GAS7: variants seen among roughly 807,000 people sequenced by gnomAD.
GAS7 encodes growth arrest-specific protein 7.
A neutral mutation model predicts 71.1 loss-of-function variants in GAS7; 28 were observed. That is an observed-to-expected ratio of 0.39 (90% CI 0.29 to 0.54). The LOEUF is 0.54. Among genes scored for constraint, GAS7 ranks in the 20% least tolerant of loss-of-function variants. The pLI is 0.62. For missense variants in GAS7, 436 were observed against 627.8 expected (o/e 0.69, Z 3.27); for synonymous variants, 258 against 245.8 (o/e 1.05, Z -0.46).
At chr17:10,160,939 T>TACACACACACACACACACACAC (rs61578754) in intron 1 of GAS7, among the ~76,000 whole-genome samples, 8 of 139,702 alleles carry the variant, frequency 5.7e-5, no homozygotes, top group South Asian at 2.3e-4. Context: ...ATTGAAACCA[T>TACACACACACACACACACACAC]ACACACACAC....
intron 1 of GAS7, among the ~76,000 whole-genome samples, chr17:10,116,180 G>A (rs551720795): frequency 5.3e-4 from 80 of 152,192 alleles, no homozygotes; most frequent in African/African-American, 9.4e-4. Flanking sequence ...GTGTGGTGGC[G>A]TGTGCCTGTG....
Position 10,059,610 on chromosome 17 carries a change from G to T in GAS7, c.184-39713C>A, listed in dbSNP as rs571112107. 1.0e-3 allele frequency: 798 copies of T among 762,978 alleles called. 2 individuals are homozygous for T. Among genetic ancestry groups the T allele is most frequent in the Middle Eastern group, 1.4e-3 (2 of 1,462 alleles). 47.3% of individuals were successfully genotyped at this position (762,978 alleles called of 1,614,324 possible). Reference sequence around the variant, plus strand: ...AGATTTCTCCTCCTGCAGGAGTGGCGGCTGCCTCGCACTCAACCTGGTCCA... The same window carrying T: ...AGATTTCTCCTCCTGCAGGAGTGGCTGCTGCCTCGCACTCAACCTGGTCCA... On this transcript the variant is annotated intron_variant, in intron 1 of 13. Transcript: ENST00000432992.
At chr17:9,977,596 A>T (rs1366302787) in intron 3 of GAS7, among the ~76,000 whole-genome samples, 1 of 152,210 alleles carries the variant, frequency 6.6e-6, no homozygotes, top group African/African-American at 2.4e-5. Flanking sequence ...AAAGCCTGGC[A>T]TTAAACACCT....
At chr17:9,956,947 C>T (rs932969200) in intron 5 of GAS7, among the ~76,000 whole-genome samples, 3 of 152,086 alleles carry the variant, frequency 2.0e-5, no homozygotes, top group East Asian at 3.9e-4. Context: ...CATGGGAGAG[C>T]GGTGTTGTGT....
At chr17:10,134,332 C>T (rs2074022366) in intron 1 of GAS7, among the ~76,000 whole-genome samples, 2 of 152,096 alleles carry the variant, frequency 1.3e-5, no homozygotes, top group South Asian at 4.2e-4. Context: ...TTTCTTTATC[C>T]ACTCATTCAT....
In GAS7 at chr17:9,913,556, G is replaced by A. The variant is rs2067497128; in HGVS notation, c.*3672C>T. On this transcript the variant is annotated 3_prime_UTR_variant, in exon 14 of 14. Transcript: ENST00000432992. Reference sequence around the variant, plus strand: ...AAACCCCTGGTTGGTGAATTCGTTGGTACACTGTTTCGGTGTGCCCAGCTG... The same window carrying A: ...AAACCCCTGGTTGGTGAATTCGTTGATACACTGTTTCGGTGTGCCCAGCTG... 1.3e-5 allele frequency: 3 copies of A among 231,632 alleles called. No individual in the cohort carries two copies. The East Asian group carries it at 1.8e-4, about 14-fold the overall frequency. The allele number at this position is 231,632 out of a possible 1,614,324, so 14.3% of individuals were successfully genotyped here.
At chr17:10,135,938 G>A (rs1337510246) in intron 1 of GAS7, among the ~76,000 whole-genome samples, 2 of 152,164 alleles carry the variant, frequency 1.3e-5, no homozygotes, top group African/African-American at 2.4e-5. Flanking sequence ...GAGACTTTTT[G>A]GAGTTCAGAT....
In GAS7 at chr17:9,934,554, C is replaced by A. The variant is rs138032140; in HGVS notation, c.807-310G>T. Among the ~76,000 whole-genome samples the A allele has an allele frequency of 7.1e-4, 108 of 152,122 alleles. 1 individual carries two copies. Among genetic ancestry groups the A allele is most frequent in the African/African-American group, 2.5e-3 (104 of 41,488 alleles). Reference sequence around the variant, plus strand: ...GGCTCGAAAGGACCCAGGAAGGTGCCGGAAGCAGGTGTGGGGACATTCCAA... The same window carrying A: ...GGCTCGAAAGGACCCAGGAAGGTGCAGGAAGCAGGTGTGGGGACATTCCAA... On this transcript the variant is annotated intron_variant, in intron 8 of 13. Coordinates refer to ENST00000432992, the MANE Select transcript of GAS7 (RefSeq NM_201433.2).
intron 1 of GAS7, among the ~76,000 whole-genome samples, chr17:10,120,588 T>C (rs983824038): frequency 6.6e-6 from 1 of 152,182 alleles, no homozygotes; most frequent in African/African-American, 2.4e-5. Context: ...GGCAGGTGCC[T>C]GTAATCCCAG....
chr17:10,026,404 T>C lies in GAS7; in HGVS notation c.184-6507A>G, dbSNP rs1265975388. On this transcript the variant is annotated intron_variant, in intron 1 of 13. Transcript: ENST00000432992. The surrounding 1 kb of genome is among the most constrained non-coding windows in gnomAD (Gnocchi z 4.5). ...AACGAGCCACTTTCTGGCAGACCCG[T>C]TGCTATGGCAATGCTTGCTAATGAG... The C allele has an allele frequency of 8.2e-6, 4 of 490,442 alleles. No individual in the cohort carries two copies. The highest frequency in any genetic ancestry group is 2.1e-5 in the African/African-American group (1 of 47,964). The allele number at this position is 490,442 out of a possible 1,614,324, so 30.4% of individuals were successfully genotyped here.
intron 8 of GAS7, among the ~76,000 whole-genome samples, chr17:9,939,561 C>T (rs148890481): frequency 1.1e-3 from 160 of 152,124 alleles, no homozygotes; most frequent in African/African-American, 3.8e-3. Context: ...TGACATACTT[C>T]AACATCTGGA....
At chr17:10,129,847 T>C (rs2142085523) in intron 1 of GAS7, among the ~76,000 whole-genome samples, 1 of 152,270 alleles carries the variant, frequency 6.6e-6, no homozygotes, top group African/African-American at 2.4e-5. Flanking sequence ...AATTACAAAA[T>C]GGGCAAAAGC....
chr17:9,932,194 CT>C (rs34286699), intron 9 of GAS7, among the ~76,000 whole-genome samples: 1,615 of 116,118 alleles, frequency 0.014, 21 homozygotes, highest in African/African-American at 0.044. Context: ...GTCCCCCCCG[CT>C]TTTTTTTTTT....
chr17:9,917,024 G>C lies in GAS7; in HGVS notation c.*204C>G. 1 of 594,002 alleles carries C rather than the reference G, an allele frequency of 1.7e-6. No homozygotes were observed. The highest frequency in any genetic ancestry group is 2.0e-5 in the South Asian group (1 of 49,166). 36.8% of individuals were successfully genotyped at this position (594,002 alleles called of 1,614,324 possible). A position where few individuals can be genotyped will look rare whatever the true frequency, so the allele number is the denominator to read the frequency against. ...GTCTTCAGCCTCAGAGACAAGGGCAGGGCTGTGGGTCTGTCTTCTGGGCCT... is the reference window on the plus strand; with the variant it reads ...GTCTTCAGCCTCAGAGACAAGGGCACGGCTGTGGGTCTGTCTTCTGGGCCT... On this transcript the variant is annotated 3_prime_UTR_variant, in exon 14 of 14. Transcript: ENST00000432992.
rs9893014 is a variant in GAS7 at position 10,128,704 on chromosome 17, C to T, written c.183+69504G>A. The stretch of plus-strand genomic sequence containing the variant: ...GCGTGATCTCGGCTCACTGCAAGCT[C>T]CGCCTCCCGGGTTCACACCATTCTC... On this transcript the variant is annotated intron_variant, in intron 1 of 13. Transcript: ENST00000432992. 4.7e-3 allele frequency among the ~76,000 whole-genome samples: 718 copies of T among 151,670 alleles called. 5 individuals are homozygous for T. The highest frequency in any genetic ancestry group is 0.016 in the African/African-American group (644 of 41,316).
At chr17:9,967,172 C>CT (rs34002748) in intron 4 of GAS7, among the ~76,000 whole-genome samples, 131 of 146,196 alleles carry the variant, frequency 9.0e-4, no homozygotes, top group African/African-American at 2.0e-3. Flanking sequence ...TACTTTGTAG[C>CT]TTTTTTTTTT....
chr17:10,065,389 T>A (rs1022315514), intron 1 of GAS7, among the ~76,000 whole-genome samples: 1 of 152,156 alleles, frequency 6.6e-6, no homozygotes, highest in South Asian at 2.1e-4. Context: ...CAAAAATTAG[T>A]ATCACTGAGC....
intron 2 of GAS7, among the ~76,000 whole-genome samples, chr17:10,015,776 A>T (rs1199794118): frequency 2.0e-5 from 3 of 152,092 alleles, no homozygotes; most frequent in Non-Finnish European, 2.9e-5. Context: ...CTTTGCCATC[A>T]GTAAGACACT....
intron 1 of GAS7, among the ~76,000 whole-genome samples, chr17:10,118,804 C>T (rs2073883431): frequency 1.3e-5 from 2 of 151,508 alleles, no homozygotes; most frequent in Non-Finnish European, 2.9e-5. Context: ...CCATGAGGAC[C>T]AAGCAGGCCC....
Sources: gnomAD v4.1 joint callset for allele counts (sites outside exome capture counted in the v4.1 genomes callset) on GRCh38, gnomAD v4.1.1 for gene constraint, Gnocchi (gnomAD v3.1) non-coding constraint, MANE v1.5 for transcripts, NCBI Gene and HGNC (gene_info 2026-07-23, HGNC 2026-07-21) for gene names.